The following GPR149 variants were observed in gnomAD, a reference collection of about 807,000 sequenced individuals.
GPR149 encodes G protein-coupled receptor 149.
GPR149 carries 50 observed loss-of-function variants against 50.2 expected under a neutral mutation model. The observed-to-expected ratio is 1.00, with a 90% CI of 0.79 to 1.26. GPR149 has a LOEUF of 1.26. Among genes scored for constraint, GPR149 ranks in the 50% most tolerant of loss-of-function variants. The pLI, the probability that GPR149 is intolerant of heterozygous loss-of-function variation, is 0.00. For synonymous variants in GPR149, 405 were observed against 358.2 expected, an observed-to-expected ratio of 1.13 and a Z score of -1.48; for missense variants, 983 against 895.4, an observed-to-expected ratio of 1.10 and a Z score of -1.25.
At chr3:154,361,554 A>C (rs1364411917) in intron 3 of GPR149, among the ~76,000 whole-genome samples, 1 of 152,212 alleles carries the variant, frequency 6.6e-6, no homozygotes, top group Admixed American at 6.5e-5. Context: ...CATATGCACT[A>C]ATGTATATTT....
Position 154,337,857 on chromosome 3 carries a change from T to C in GPR149, c.2038A>G (p.Asn680Asp), listed in dbSNP as rs781017073. The C allele has an allele frequency of 9.3e-6, 15 of 1,613,906 alleles. No homozygotes were observed. The highest frequency in any genetic ancestry group is 1.2e-5 in the Non-Finnish European group (14 of 1,179,970). The change falls in exon 4 of 4, where the codon AAT becomes GAT. Residue 680 changes from asparagine (N) to aspartate (D), a missense_variant. Coordinates refer to ENST00000389740, the MANE Select transcript of GPR149 (RefSeq NM_001038705.3). ...ASYSLFLPTS[N>D]PDGDINISIP... The stretch of plus-strand genomic sequence containing the variant: ...GAGATATTAATATCACCATCAGGAT[T>C]ACTGGTGGGCAAAAAGAGGGAGTAT...
chr3:154,366,878 C>T (rs193135842), intron 3 of GPR149, among the ~76,000 whole-genome samples: 2 of 152,330 alleles, frequency 1.3e-5, no homozygotes, highest in Admixed American at 1.3e-4. Context: ...AACTGTTCCC[C>T]AGGACATGGT....
intron 3 of GPR149, among the ~76,000 whole-genome samples, chr3:154,355,715 AT>A (rs1714203308): frequency 6.6e-6 from 1 of 152,204 alleles, no homozygotes; most frequent in Admixed American, 6.5e-5. Context: ...AAATGAAATA[AT>A]TTTTTATATC....
At chr3:154,369,525 G>T (rs914264973) in intron 3 of GPR149, among the ~76,000 whole-genome samples, 1 of 151,998 alleles carries the variant, frequency 6.6e-6, no homozygotes. Flanking sequence ...CTCCCCAACT[G>T]ACTCTCCTCC....
intron 2 of GPR149, among the ~76,000 whole-genome samples, chr3:154,425,621 T>C (rs1260384176): frequency 6.6e-6 from 1 of 152,196 alleles, no homozygotes; most frequent in East Asian, 1.9e-4. Flanking sequence ...CAATGTTTTA[T>C]TTGTGAAGCC....
At chr3:154,419,496 G>C (rs980683553) in intron 3 of GPR149, among the ~76,000 whole-genome samples, 5 of 151,940 alleles carry the variant, frequency 3.3e-5, no homozygotes, top group African/African-American at 1.2e-4. Context: ...GGCCCCAGAA[G>C]ACTATATATA....
chr3:154,423,496 T>C (rs1033019988), intron 2 of GPR149, among the ~76,000 whole-genome samples: 1 of 151,878 alleles, frequency 6.6e-6, no homozygotes. Flanking sequence ...ATACAGTAAT[T>C]ATGAAGTGTA....
intron 3 of GPR149, among the ~76,000 whole-genome samples, chr3:154,341,939 TACTTTAAAAACAA>T (rs1713808204): frequency 6.6e-6 from 1 of 152,228 alleles, no homozygotes; most frequent in African/African-American, 2.4e-5. Context: ...AGGGTAATTA[TACTTTAAAAACAA>T]ACAAACAAAA....
chr3:154,358,344 T>A (rs1714293952), intron 3 of GPR149, among the ~76,000 whole-genome samples: 1 of 152,158 alleles, frequency 6.6e-6, no homozygotes, highest in Non-Finnish European at 1.5e-5. Flanking sequence ...AACCCCAAAG[T>A]ATCTCTTATG....
At chr3:154,407,118 G>A (rs1025878563) in intron 3 of GPR149, among the ~76,000 whole-genome samples, 5 of 152,120 alleles carry the variant, frequency 3.3e-5, no homozygotes, top group African/African-American at 1.2e-4. Flanking sequence ...CTCCCACTGG[G>A]TCCCTCCCAT....
In GPR149 at chr3:154,421,144, G is replaced by T; in HGVS notation, c.1518C>A (p.Thr506=). 2 of 1,613,316 alleles carry T rather than the reference G, an allele frequency of 1.2e-6. No homozygotes were observed. The highest frequency in any genetic ancestry group is 2.2e-5 in the South Asian group (2 of 91,056). The change falls in exon 3 of 4, where the codon ACC becomes ACA. Residue 506 remains threonine, a synonymous_variant. Transcript: ENST00000389740. ...GTCTTCTTTCTGGCCCTTCAGAAAA[G>T]GTAGTTTCTTCATAGTTAATATCAC... ...TGGDINYEET[T]FSEGPERRLS... is the part of the protein sequence containing the mutation.
chr3:154,385,278 A>G (rs1715019518), intron 3 of GPR149, among the ~76,000 whole-genome samples: 1 of 152,196 alleles, frequency 6.6e-6, no homozygotes, highest in South Asian at 2.1e-4. Context: ...AATCCCTGCG[A>G]ATTCTTTGGA....
chr3:154,394,407 C>T (rs745962603), intron 3 of GPR149, among the ~76,000 whole-genome samples: 4 of 151,930 alleles, frequency 2.6e-5, no homozygotes, highest in African/African-American at 9.7e-5. Flanking sequence ...GGTTTAAGTG[C>T]TTAAACATAA....
intron 3 of GPR149, among the ~76,000 whole-genome samples, chr3:154,411,991 A>G (rs1711847791): frequency 6.6e-6 from 1 of 152,120 alleles, no homozygotes; most frequent in African/African-American, 2.4e-5. Flanking sequence ...TATCAAAAAG[A>G]GAATCCACCA....
At chr3:154,368,770 C>T (rs993279310) in intron 3 of GPR149, among the ~76,000 whole-genome samples, 1 of 152,196 alleles carries the variant, frequency 6.6e-6, no homozygotes, top group African/African-American at 2.4e-5. Context: ...ATCTACCACC[C>T]CTTTATGCTT....
intron 3 of GPR149, among the ~76,000 whole-genome samples, chr3:154,414,251 C>T (rs1711921992): frequency 6.6e-6 from 1 of 151,766 alleles, no homozygotes; most frequent in Non-Finnish European, 1.5e-5. Flanking sequence ...TCAGAAATCA[C>T]CACTAAAGGA....
chr3:154,415,116 T>A (rs958507522), intron 3 of GPR149, among the ~76,000 whole-genome samples: 3 of 148,776 alleles, frequency 2.0e-5, no homozygotes. Context: ...ATGTAGTGAG[T>A]TCCTAGTCAC....
chr3:154,337,875 G>A lies in GPR149; in HGVS notation c.2020C>T (p.Leu674Phe). ...TCAGGATTACTGGTGGGCAAAAAGAGGGAGTATGAGGCTGTTTCCCCTAGG... is the reference window on the plus strand; with the variant it reads ...TCAGGATTACTGGTGGGCAAAAAGAAGGAGTATGAGGCTGTTTCCCCTAGG... ...CDLGETASYSLFLPTSNPDGD... is the reference protein window; with the variant it reads ...CDLGETASYSFFLPTSNPDGD... Residue 674 changes from leucine to phenylalanine, a missense_variant, in exon 4 of 4, where the codon CTC (leucine) becomes TTC (phenylalanine). By Grantham distance (22) the Leu-to-Phe change is conservative. Transcript: ENST00000389740. The A allele has an allele frequency of 6.2e-7, 1 of 1,613,726 alleles. No individual in the cohort carries two copies. Among genetic ancestry groups the A allele is most frequent in the Non-Finnish European group, 8.5e-7 (1 of 1,179,860 alleles).
chr3:154,353,858 T>C, intron 3 of GPR149: 2 of 609,154 alleles, frequency 3.3e-6, no homozygotes, highest in South Asian at 1.8e-5. Flanking sequence ...AGGAAAGAGA[T>C]ATGTTACCCT....
Sources: gnomAD v4.1 joint callset for allele counts (sites outside exome capture counted in the v4.1 genomes callset) on GRCh38, gnomAD v4.1.1 for gene constraint, MANE v1.5 for transcripts, NCBI Gene and HGNC (gene_info 2026-07-23, HGNC 2026-07-21) for gene names.